The following COL21A1 variants were observed in gnomAD, a reference collection of about 807,000 sequenced individuals.
COL21A1 encodes the protein collagen alpha-1(XXI) chain.
Under a neutral mutation model 137.9 loss-of-function variants are expected in COL21A1, and 149 were observed. The observed-to-expected ratio is 1.08, with a 90% CI of 0.95 to 1.24. The LOEUF (loss-of-function observed/expected upper bound fraction) is 1.24, where lower values mean the gene tolerates loss of function less well. COL21A1 is among the 50% of genes most tolerant of loss of function. The pLI is 0.00. For missense variants in COL21A1, 1,167 were observed against 1,158.4 expected (o/e 1.01, Z -0.11); for synonymous variants, 456 against 391.5 (o/e 1.16, Z -1.95).
chr6:56,162,306 A>G (rs1188393082), intron 9 of COL21A1, among the ~76,000 whole-genome samples: 1 of 152,190 alleles, frequency 6.6e-6, no homozygotes, highest in Non-Finnish European at 1.5e-5. Context: ...CAGATCAAAA[A>G]GGCACGCCAA....
intron 1 of COL21A1, among the ~76,000 whole-genome samples, chr6:56,236,333 AG>A (rs1223591092): frequency 6.6e-6 from 1 of 152,060 alleles, no homozygotes; most frequent in Admixed American, 6.6e-5. Context: ...TTAAGAAAAA[AG>A]TTTCCAATAG....
intron 1 of COL21A1, among the ~76,000 whole-genome samples, chr6:56,292,961 A>G (rs1325666050): frequency 6.6e-6 from 1 of 152,210 alleles, no homozygotes; most frequent in Non-Finnish European, 1.5e-5. Flanking sequence ...GTATATATAC[A>G]TATGTATTCA....
chr6:56,193,006 G>T (rs890077399), intron 1 of COL21A1, among the ~76,000 whole-genome samples: 1 of 152,152 alleles, frequency 6.6e-6, no homozygotes, highest in Non-Finnish European at 1.5e-5. Flanking sequence ...ATGAGTTCAC[G>T]TCCTTTGCAG....
intron 1 of COL21A1, among the ~76,000 whole-genome samples, chr6:56,326,812 C>T (rs1765105138): frequency 6.6e-6 from 1 of 151,984 alleles, no homozygotes; most frequent in South Asian, 2.1e-4. Context: ...TCATTTCTAT[C>T]TTGACTAGAT....
intron 12 of COL21A1, 138 bp downstream of exon 12, chr6:56,141,646 TA>T: frequency 1.3e-6 from 1 of 799,366 alleles, no homozygotes; most frequent in Non-Finnish European, 2.1e-6. Context: ...CTTTATTGTC[TA>T]ATAGCCACTG....
At chr6:56,085,844 T>TTTATA (rs1173505881) in intron 17 of COL21A1, among the ~76,000 whole-genome samples, 1 of 151,172 alleles carries the variant, frequency 6.6e-6, no homozygotes, top group East Asian at 1.9e-4. Context: ...AATAGTGTTC[T>TTTATA]TTATATATTT....
At chr6:56,363,258 A>G (rs1038671762) in intron 1 of COL21A1, among the ~76,000 whole-genome samples, 1 of 152,252 alleles carries the variant, frequency 6.6e-6, no homozygotes, top group African/African-American at 2.4e-5. Context: ...CAGCAGAAGC[A>G]GCAGGTCATA....
chr6:56,286,719 G>A (rs1763922676), intron 1 of COL21A1, among the ~76,000 whole-genome samples: 1 of 152,040 alleles, frequency 6.6e-6, no homozygotes. Context: ...TGAAAACTGT[G>A]GATAATAGCC....
intron 1 of COL21A1, among the ~76,000 whole-genome samples, chr6:56,243,175 G>A (rs1782443377): frequency 6.6e-6 from 1 of 151,944 alleles, no homozygotes; most frequent in Non-Finnish European, 1.5e-5. Context: ...ATGTTCCAGG[G>A]ACTCTCTTTA....
intron 1 of COL21A1, among the ~76,000 whole-genome samples, chr6:56,373,695 T>C (rs1001927086): frequency 3.3e-5 from 5 of 152,222 alleles, no homozygotes; most frequent in South Asian, 2.1e-4. Flanking sequence ...CATAGTGGAA[T>C]GACTAAATCA....
chr6:56,101,544 A>ACATT lies in COL21A1; in HGVS notation c.1759-20_1759-19insAATG. On this transcript the variant is annotated intron_variant, in intron 16 of 29. Coordinates refer to ENST00000244728, the MANE Select transcript of COL21A1 (RefSeq NM_030820.4). ...CTTCTCCCTTTTAATGATTTGACAAAAAGAAATAGAGAATTCAGTTTTGAG... is the reference window on the plus strand; with the variant it reads ...CTTCTCCCTTTTAATGATTTGACAAACATTAAGAAATAGAGAATTCAGTTTTGAG... The ACATT allele has an allele frequency of 6.4e-7, 1 of 1,565,254 alleles. No individual in the cohort carries two copies. Among genetic ancestry groups the ACATT allele is most frequent in the Non-Finnish European group, 8.7e-7 (1 of 1,151,102 alleles).
chr6:56,157,289 A>G (rs894600767), intron 9 of COL21A1, among the ~76,000 whole-genome samples: 3 of 150,304 alleles, frequency 2.0e-5, no homozygotes, highest in African/African-American at 7.4e-5. Context: ...CCATGATAGC[A>G]ATATTTGACT....
At chr6:56,163,495 G>C (rs1360577907) in intron 9 of COL21A1, among the ~76,000 whole-genome samples, 1 of 152,112 alleles carries the variant, frequency 6.6e-6, no homozygotes. Context: ...CGGATCACGA[G>C]GTCAAGAGAT....
At chr6:56,332,291 T>C (rs943092173) in intron 1 of COL21A1, among the ~76,000 whole-genome samples, 1 of 152,046 alleles carries the variant, frequency 6.6e-6, no homozygotes, top group African/African-American at 2.4e-5. Flanking sequence ...TATCTTTCCA[T>C]TTTTGTTTCA....
At chr6:56,208,217 T>C (rs1436048949) in intron 1 of COL21A1, among the ~76,000 whole-genome samples, 2 of 152,088 alleles carry the variant, frequency 1.3e-5, no homozygotes, top group Admixed American at 1.3e-4. Context: ...ATAAAGGGTA[T>C]TCAAATAGAT....
chr6:56,144,340 T>C (rs893302600), intron 10 of COL21A1, among the ~76,000 whole-genome samples: 1 of 152,168 alleles, frequency 6.6e-6, no homozygotes, highest in Non-Finnish European at 1.5e-5. Context: ...CTGATCATTG[T>C]AGATTGACTC....
intron 1 of COL21A1, among the ~76,000 whole-genome samples, chr6:56,308,978 T>C (rs925532008): frequency 6.6e-6 from 1 of 152,124 alleles, no homozygotes; most frequent in Non-Finnish European, 1.5e-5. Context: ...GGCAGAAAGA[T>C]AGAGAAGATT....
chr6:56,237,507 T>G (rs763139488), intron 1 of COL21A1, among the ~76,000 whole-genome samples: 15 of 152,140 alleles, frequency 9.9e-5, no homozygotes, highest in Non-Finnish European at 2.2e-4. Flanking sequence ...TAATTGCTTC[T>G]CTAATCTCGC....
At chr6:56,065,626 G>T (rs1766176063) in intron 23 of COL21A1, among the ~76,000 whole-genome samples, 1 of 151,856 alleles carries the variant, frequency 6.6e-6, no homozygotes, top group Non-Finnish European at 1.5e-5. Context: ...GTAGCCAATT[G>T]GAGAAAGGAT....
Sources: gnomAD v4.1 joint callset for allele counts (sites outside exome capture counted in the v4.1 genomes callset) on GRCh38, gnomAD v4.1.1 for gene constraint, MANE v1.5 for transcripts, NCBI Gene and HGNC (gene_info 2026-07-23, HGNC 2026-07-21) for gene names.